The following CCSER2 variants were observed in gnomAD, a reference collection of about 807,000 sequenced individuals.
CCSER2 encodes the protein serine-rich coiled-coil domain-containing protein 2.
Under a neutral mutation model 92.3 loss-of-function variants are expected in CCSER2, and 46 were observed. The observed-to-expected ratio is 0.50, with a 90% CI of 0.39 to 0.64. CCSER2 has a LOEUF of 0.64. CCSER2 is among the 30% of genes least tolerant of loss of function. The pLI, the probability that CCSER2 is intolerant of heterozygous loss-of-function variation, is 0.00. For synonymous variants in CCSER2, 433 were observed against 431.4 expected (o/e 1.00, Z -0.04); for missense variants, 1,244 against 1,238.9 (o/e 1.00, Z -0.06).
rs1849557628 is a variant in CCSER2 at position 84,515,212 on chromosome 10, A to G, written c.*945A>G. On this transcript the variant is annotated 3_prime_UTR_variant, in exon 10 of 10. Coordinates refer to ENST00000372088, the MANE Select transcript of CCSER2 (RefSeq NM_001284240.2). The stretch of plus-strand genomic sequence containing the variant: ...ATTTATATTTATTGATTTTCTGCTA[A>G]TATCTGAAGACTGAAATAATGAACT... The G allele has an allele frequency of 3.3e-5, 5 of 152,650 alleles. No individual in the cohort carries two copies. The highest frequency in any genetic ancestry group is 3.3e-4 in the Admixed American group (5 of 15,286). The allele number at this position is 152,650 out of a possible 1,614,324, so 9.5% of individuals were successfully genotyped here.
chr10:84,429,810 C>G (rs934635595), intron 5 of CCSER2, among the ~76,000 whole-genome samples: 2 of 151,574 alleles, frequency 1.3e-5, no homozygotes, highest in Admixed American at 6.6e-5. Context: ...CTCCCCACTT[C>G]GCTCTGGCCA....
At chr10:84,512,159 G>T (rs762396331) in intron 9 of CCSER2, among the ~76,000 whole-genome samples, 23 of 152,030 alleles carry the variant, frequency 1.5e-4, no homozygotes, top group South Asian at 6.2e-4. Context: ...TCCAGTGCTG[G>T]TCAGGGAGGT....
At chr10:84,400,480 T>C (rs1200637495) in intron 3 of CCSER2, among the ~76,000 whole-genome samples, 2 of 152,186 alleles carry the variant, frequency 1.3e-5, no homozygotes, top group Admixed American at 6.5e-5. Flanking sequence ...CTCTTTTGTT[T>C]TTTTCCTGAG....
At chr10:84,387,249 G>T (rs528483616) in intron 3 of CCSER2, among the ~76,000 whole-genome samples, 2 of 152,136 alleles carry the variant, frequency 1.3e-5, no homozygotes, top group South Asian at 4.2e-4. Context: ...CCCTCTAAGG[G>T]TTAACTGTTC....
rs767131060 is a variant in CCSER2 at position 84,373,682 on chromosome 10, G to T, written c.1481G>T (p.Arg494Ile). Residue 494 changes from arginine (R) to isoleucine (I), a missense_variant, in exon 3 of 10, where the codon AGA becomes ATA. Physicochemically the swap from Arg to Ile is moderately conservative, Grantham distance 97. Transcript: ENST00000372088. ...NNLVSPDTDY[R>I]AGSSFELSPS... ...TTGGTTTCACCAGATACAGACTACA[G>T]AGCTGGTTCTTCGTTTGAACTCTCT... 3.1e-6 allele frequency: 5 copies of T among 1,613,590 alleles called. No homozygotes were observed. The South Asian group carries it at 4.4e-5, about 14-fold the overall frequency.
At chr10:84,506,332 C>A (rs576365657) in intron 9 of CCSER2, among the ~76,000 whole-genome samples, 3 of 152,252 alleles carry the variant, frequency 2.0e-5, no homozygotes, top group African/African-American at 7.2e-5. Context: ...GCACTGGAAG[C>A]TGTGATTGGC....
chr10:84,407,622 A>G lies in CCSER2; in HGVS notation c.1615-10149A>G, dbSNP rs564066747. On this transcript the variant is annotated intron_variant, in intron 3 of 9. Coordinates refer to ENST00000372088, the MANE Select transcript of CCSER2 (RefSeq NM_001284240.2). ...GCCACATGGATTCTGCAATAGCAACAAAACTGGTTTTTCTGTCTCACTTAA... is the reference window on the plus strand; with the variant it reads ...GCCACATGGATTCTGCAATAGCAACGAAACTGGTTTTTCTGTCTCACTTAA... 2.0e-5 allele frequency among the ~76,000 whole-genome samples: 3 copies of G among 152,340 alleles called. No individual in the cohort carries two copies. In the East Asian group the frequency reaches 5.8e-4, roughly 29 times the overall value.
At chr10:84,510,178 G>A (rs181348625) in intron 9 of CCSER2, among the ~76,000 whole-genome samples, 52 of 152,258 alleles carry the variant, frequency 3.4e-4, no homozygotes, top group African/African-American at 1.2e-3. Flanking sequence ...AAAATTTGAA[G>A]TGACCAGAAC....
At chr10:84,499,941 C>A (rs549760156) in intron 9 of CCSER2, 1 of 1,613,764 alleles carries the variant, frequency 6.2e-7, no homozygotes, top group Non-Finnish European at 8.5e-7. Flanking sequence ...ACGGACTGTT[C>A]CACCGCACCG....
intron 3 of CCSER2, among the ~76,000 whole-genome samples, chr10:84,397,818 T>TG (rs1365855414): frequency 6.6e-6 from 1 of 152,220 alleles, no homozygotes; most frequent in East Asian, 1.9e-4. Context: ...CTAATGTGCT[T>TG]CTGTAGTGGC....
chr10:84,385,033 A>ACACACACC (rs1491585087), intron 3 of CCSER2, among the ~76,000 whole-genome samples: 2 of 151,668 alleles, frequency 1.3e-5, no homozygotes, highest in African/African-American at 4.8e-5. Flanking sequence ...ACACACACAC[A>ACACACACC]CCCAGGAATA....
chr10:84,464,142 T>G, intron 7 of CCSER2, 126 bp downstream of exon 7: 1 of 545,904 alleles, frequency 1.8e-6, no homozygotes, highest in South Asian at 2.8e-5. Context: ...TCTTAACTTT[T>G]GCTACTTTGT....
At chr10:84,488,998 C>T (rs954600318) in intron 9 of CCSER2, among the ~76,000 whole-genome samples, 1 of 152,084 alleles carries the variant, frequency 6.6e-6, no homozygotes, top group East Asian at 1.9e-4. Flanking sequence ...CGTTATGTAC[C>T]CAGTAGTCAT....
At chr10:84,385,926 A>G (rs973919752) in intron 3 of CCSER2, among the ~76,000 whole-genome samples, 6 of 152,210 alleles carry the variant, frequency 3.9e-5, no homozygotes, top group Admixed American at 3.9e-4. Context: ...GGCAAAGGAT[A>G]TGAACAGACA....
chr10:84,490,070 C>T (rs1390530331), intron 9 of CCSER2, among the ~76,000 whole-genome samples: 1 of 152,184 alleles, frequency 6.6e-6, no homozygotes, highest in Admixed American at 6.5e-5. Context: ...TATTGGCCCC[C>T]ACTCTCTTCT....
chr10:84,344,002 C>G (rs1042067397), intron 1 of CCSER2, among the ~76,000 whole-genome samples: 1 of 152,192 alleles, frequency 6.6e-6, no homozygotes, highest in Non-Finnish European at 1.5e-5. Context: ...ATCAATGTGT[C>G]ATGTTCCTGG....
chr10:84,441,573 G>A lies in CCSER2; in HGVS notation c.2064+2866G>A, dbSNP rs560206181. 9.2e-5 allele frequency among the ~76,000 whole-genome samples: 14 copies of A among 151,934 alleles called. No homozygotes were observed. The East Asian group carries it at 2.7e-3, about 29-fold the overall frequency. On this transcript the variant is annotated intron_variant, in intron 6 of 9. Transcript: ENST00000372088. The stretch of plus-strand genomic sequence containing the variant: ...TTGTTTATTCAGGACTTTGTACATG[G>A]CCATGCCTGTCAACTGGCTGGTTTT...
At chr10:84,347,112 C>T (rs1488643223) in intron 1 of CCSER2, among the ~76,000 whole-genome samples, 1 of 152,230 alleles carries the variant, frequency 6.6e-6, no homozygotes, top group Admixed American at 6.5e-5. Context: ...GGTCATAGAT[C>T]AACAGCATCC....
At chr10:84,460,600 A>G (rs1161184467) in intron 6 of CCSER2, among the ~76,000 whole-genome samples, 2 of 150,598 alleles carry the variant, frequency 1.3e-5, no homozygotes, top group Admixed American at 1.3e-4. Flanking sequence ...ATCTGGCCTC[A>G]GATTTTTTTT....
Sources: gnomAD v4.1 joint callset for allele counts (sites outside exome capture counted in the v4.1 genomes callset) on GRCh38, gnomAD v4.1.1 for gene constraint, MANE v1.5 for transcripts, NCBI Gene and HGNC (gene_info 2026-07-23, HGNC 2026-07-21) for gene names.